POU6F2: variants seen among roughly 807,000 people sequenced by gnomAD.
POU6F2 encodes the protein POU domain, class 6, transcription factor 2.
A neutral mutation model predicts 71.3 loss-of-function variants in POU6F2; 31 were observed. The ratio of observed to expected loss-of-function variants is 0.43; its 90% CI spans 0.33 to 0.59. The LOEUF (loss-of-function observed/expected upper bound fraction) is 0.59, where lower values mean the gene tolerates loss of function less well. Among genes scored for constraint, POU6F2 ranks in the 20% least tolerant of loss-of-function variants. POU6F2 has a pLI of 0.04. For missense variants in POU6F2, 783 were observed against 856.8 expected, an observed-to-expected ratio of 0.91 and a Z score of 1.07; for synonymous variants, 347 against 355.7, an observed-to-expected ratio of 0.98 and a Z score of 0.27.
intron 4 of POU6F2, among the ~76,000 whole-genome samples, chr7:39,260,056 A>G (rs747457395): frequency 2.6e-5 from 4 of 151,048 alleles, no homozygotes; most frequent in Non-Finnish European, 5.9e-5. Context: ...TACACACTAC[A>G]TAATCCATAC....
intron 6 of POU6F2, among the ~76,000 whole-genome samples, chr7:39,416,691 C>A (rs1468228985): frequency 6.6e-6 from 1 of 151,990 alleles, no homozygotes; most frequent in African/African-American, 2.4e-5. Context: ...GTCTAAGACA[C>A]CACTGATTTT....
chr7:39,317,406 C>T (rs1305986260), intron 4 of POU6F2, among the ~76,000 whole-genome samples: 1 of 152,190 alleles, frequency 6.6e-6, no homozygotes, highest in Non-Finnish European at 1.5e-5. Flanking sequence ...CACTGGTTGC[C>T]TGGAACATAG....
At chr7:39,243,612 T>G (rs1187390791) in intron 4 of POU6F2, among the ~76,000 whole-genome samples, 2 of 152,078 alleles carry the variant, frequency 1.3e-5, no homozygotes, top group Non-Finnish European at 1.5e-5. Flanking sequence ...GTTATTTTAC[T>G]GAGTTCTCCA....
chr7:38,979,331 A>G (rs1466259402), intron 1 of POU6F2, among the ~76,000 whole-genome samples: 1 of 152,228 alleles, frequency 6.6e-6, no homozygotes, highest in African/African-American at 2.4e-5. Flanking sequence ...AAATTATAGA[A>G]AAGCACTTCA....
chr7:39,435,042 A>T (rs755428405), intron 7 of POU6F2, among the ~76,000 whole-genome samples: 13 of 152,180 alleles, frequency 8.5e-5, no homozygotes, highest in Non-Finnish European at 1.5e-4. Flanking sequence ...ATTGATGGGC[A>T]TTTGGGTTGG....
intron 4 of POU6F2, among the ~76,000 whole-genome samples, chr7:39,226,763 T>C (rs1012681223): frequency 6.6e-6 from 1 of 152,218 alleles, no homozygotes; most frequent in African/African-American, 2.4e-5. Context: ...CATAATTGTT[T>C]CCATGATCAG....
chr7:39,143,542 C>G (rs898835254), intron 2 of POU6F2, among the ~76,000 whole-genome samples: 1 of 152,000 alleles, frequency 6.6e-6, no homozygotes, highest in Non-Finnish European at 1.5e-5. Context: ...CAATGTTTAC[C>G]CAAACAGTGT....
intron 4 of POU6F2, among the ~76,000 whole-genome samples, chr7:39,317,468 C>T (rs765099789): frequency 6.6e-6 from 1 of 152,218 alleles, no homozygotes; most frequent in Non-Finnish European, 1.5e-5. Flanking sequence ...GTATTCACAA[C>T]TCAGTTTTTG....
At chr7:39,386,400 A>G (rs1421144201) in intron 5 of POU6F2, among the ~76,000 whole-genome samples, 2 of 152,164 alleles carry the variant, frequency 1.3e-5, no homozygotes, top group African/African-American at 4.8e-5. Context: ...CCCAGACAAT[A>G]TGACTCCAGA....
chr7:39,378,794 G>A (rs1786763449), intron 5 of POU6F2, among the ~76,000 whole-genome samples: 1 of 152,202 alleles, frequency 6.6e-6, no homozygotes, highest in South Asian at 2.1e-4. Context: ...CTGATCATGT[G>A]AAAGGTGAAA....
At chr7:39,357,262 T>C (rs1786280375) in intron 5 of POU6F2, among the ~76,000 whole-genome samples, 1 of 152,098 alleles carries the variant, frequency 6.6e-6, no homozygotes, top group South Asian at 2.1e-4. Flanking sequence ...ACATGGAATC[T>C]CCCAGTATGA....
intron 4 of POU6F2, among the ~76,000 whole-genome samples, chr7:39,235,448 A>C (rs1794658526): frequency 1.3e-5 from 2 of 152,134 alleles, no homozygotes; most frequent in Non-Finnish European, 2.9e-5. Context: ...GGTGGTGCTG[A>C]GATGAAAGCC....
intron 2 of POU6F2, among the ~76,000 whole-genome samples, chr7:39,129,797 C>T (rs866970015): frequency 2.6e-5 from 4 of 152,128 alleles, no homozygotes; most frequent in African/African-American, 9.7e-5. Flanking sequence ...GGCGCTGTGG[C>T]TCACGCCTGG....
At chr7:39,319,106 T>C (rs945392376) in intron 4 of POU6F2, among the ~76,000 whole-genome samples, 4 of 152,204 alleles carry the variant, frequency 2.6e-5, no homozygotes, top group Non-Finnish European at 5.9e-5. Context: ...CACCTCAATC[T>C]GGTGACAAAG....
chr7:39,447,420 A>G (rs1339833311), intron 7 of POU6F2, among the ~76,000 whole-genome samples: 2 of 152,108 alleles, frequency 1.3e-5, no homozygotes, highest in Non-Finnish European at 2.9e-5. Flanking sequence ...AGCGGGGCAT[A>G]GTGGAAGGAG....
chr7:39,234,139 G>A (rs1794630290), intron 4 of POU6F2, among the ~76,000 whole-genome samples: 1 of 152,076 alleles, frequency 6.6e-6, no homozygotes, highest in South Asian at 2.1e-4. Context: ...TAAAATGCAT[G>A]TTTCCCTTTT....
At chr7:39,056,660 C>CTGTGTGTGTG (rs1242427555) in intron 1 of POU6F2, among the ~76,000 whole-genome samples, 1 of 98,820 alleles carries the variant, frequency 1.0e-5, no homozygotes, top group Non-Finnish European at 2.2e-5. Context: ...CTCTCTCTCT[C>CTGTGTGTGTG]TCTGTGTGTG....
intron 4 of POU6F2, among the ~76,000 whole-genome samples, chr7:39,316,853 C>G (rs1324901856): frequency 6.6e-6 from 1 of 152,090 alleles, no homozygotes; most frequent in Non-Finnish European, 1.5e-5. Context: ...TTGTTAACCA[C>G]CTAATAATAA....
intron 2 of POU6F2, among the ~76,000 whole-genome samples, chr7:39,202,899 G>T (rs1793937704): frequency 6.6e-6 from 1 of 152,200 alleles, no homozygotes; most frequent in Non-Finnish European, 1.5e-5. Flanking sequence ...TAGAATGCTT[G>T]TAAGTATTCT....
Sources: gnomAD v4.1 joint callset for allele counts (sites outside exome capture counted in the v4.1 genomes callset) on GRCh38, gnomAD v4.1.1 for gene constraint, MANE v1.5 for transcripts, NCBI Gene and HGNC (gene_info 2026-07-23, HGNC 2026-07-21) for gene names.